Variants in STIM1 observed in about 807,000 individuals in gnomAD.
STIM1 encodes stromal interaction molecule 1.
Under a neutral mutation model 74.7 loss-of-function variants are expected in STIM1, and 25 were observed. The observed-to-expected ratio is 0.33, with a 90% CI of 0.24 to 0.47. STIM1 has a LOEUF of 0.47. Among genes scored for constraint, STIM1 ranks in the 20% least tolerant of loss-of-function variants. The pLI is 1.00. For synonymous variants in STIM1, 328 were observed against 348.8 expected (o/e 0.94, Z 0.66); for missense variants, 728 against 920.8 (o/e 0.79, Z 2.71).
intron 2 of STIM1, among the ~76,000 whole-genome samples, chr11:4,014,705 C>T (rs914507829): frequency 6.6e-6 from 1 of 152,068 alleles, no homozygotes; most frequent in Admixed American, 6.6e-5. Flanking sequence ...GTAGGTCACT[C>T]AGGACTTGCT....
intron 1 of STIM1, among the ~76,000 whole-genome samples, chr11:3,957,542 C>A (rs1397016496): frequency 6.6e-6 from 1 of 151,862 alleles, no homozygotes; most frequent in Non-Finnish European, 1.5e-5. Flanking sequence ...CTAGGGTGAG[C>A]CACTGCGCCT....
chr11:4,046,059 C>CTTTTTTTTTTT (rs35783768), intron 3 of STIM1, among the ~76,000 whole-genome samples: 1 of 59,030 alleles, frequency 1.7e-5, no homozygotes, highest in African/African-American at 6.0e-5. Context: ...CGTGAGCTAC[C>CTTTTTTTTTTT]TTTTTTTTTT....
chr11:3,988,314 G>A (rs542610372), intron 2 of STIM1, among the ~76,000 whole-genome samples: 11 of 152,190 alleles, frequency 7.2e-5, no homozygotes, highest in East Asian at 3.8e-4. Flanking sequence ...TGTTTTTTTC[G>A]TGTAGCCTGC....
intron 1 of STIM1, among the ~76,000 whole-genome samples, chr11:3,878,549 A>C (rs929375783): frequency 1.4e-4 from 21 of 152,158 alleles, no homozygotes; most frequent in African/African-American, 5.1e-4. Flanking sequence ...TACTTGTGGA[A>C]GGTCACTCAT....
In STIM1 at chr11:3,856,177, C is replaced by T; in HGVS notation, c.-94C>T. The T allele has an allele frequency of 1.3e-6, 2 of 1,566,370 alleles. No homozygotes were observed. Among genetic ancestry groups the T allele is most frequent in the East Asian group, 4.5e-5 (2 of 44,516 alleles). On this transcript the variant is annotated 5_prime_UTR_variant, in exon 1 of 13. Transcript: ENST00000526596. ...CTGCGGAGCCGCGAGGGCATCTTGC[C>T]TGGAGACCGTCGGCTGCACTCCCGG...
chr11:4,068,412 C>T (rs2094382343), intron 5 of STIM1, among the ~76,000 whole-genome samples: 1 of 152,086 alleles, frequency 6.6e-6, no homozygotes, highest in Admixed American at 6.5e-5. Context: ...AGTTGAGAAA[C>T]CCTAGGAAAC....
chr11:3,912,739 C>G (rs2092585390), intron 1 of STIM1, among the ~76,000 whole-genome samples: 1 of 152,130 alleles, frequency 6.6e-6, no homozygotes, highest in South Asian at 2.1e-4. Flanking sequence ...ATGCCTTTGC[C>G]AATGTGGGCT....
intron 1 of STIM1, among the ~76,000 whole-genome samples, chr11:3,867,791 C>A (rs12272635): frequency 6.6e-6 from 1 of 152,130 alleles, no homozygotes; most frequent in African/African-American, 2.4e-5. Context: ...ACACAGAGCC[C>A]CTGGCTGCCT....
intron 2 of STIM1, chr11:3,973,480 G>C (rs996786984): frequency 1.6e-5 from 4 of 243,120 alleles, no homozygotes; most frequent in African/African-American, 4.6e-5. Flanking sequence ...GCTCACTGCA[G>C]CTTGGACCTC....
intron 1 of STIM1, among the ~76,000 whole-genome samples, chr11:3,864,323 C>G (rs1398899936): frequency 6.6e-6 from 1 of 152,176 alleles, no homozygotes; most frequent in Non-Finnish European, 1.5e-5. Flanking sequence ...TTTATTATCT[C>G]ATAGATTCTG....
At chr11:3,943,021 C>T (rs1186254599) in intron 1 of STIM1, among the ~76,000 whole-genome samples, 1 of 152,138 alleles carries the variant, frequency 6.6e-6, no homozygotes, top group Non-Finnish European at 1.5e-5. Flanking sequence ...GTTAAAGCAA[C>T]CAGGGTTATA....
chr11:3,981,421 T>A (rs1357722766), intron 2 of STIM1, among the ~76,000 whole-genome samples: 3 of 152,242 alleles, frequency 2.0e-5, no homozygotes, highest in African/African-American at 7.2e-5. Flanking sequence ...CTGTTTCTCA[T>A]AACATTGTGT....
At chr11:4,004,344 G>A (rs955615649) in intron 2 of STIM1, among the ~76,000 whole-genome samples, 17 of 151,826 alleles carry the variant, frequency 1.1e-4, no homozygotes, top group Admixed American at 1.3e-4. Context: ...TATACTACAA[G>A]GCTACAGTAA....
At chr11:4,051,612 G>A (rs1351061175) in intron 3 of STIM1, among the ~76,000 whole-genome samples, 1 of 151,744 alleles carries the variant, frequency 6.6e-6, no homozygotes. Flanking sequence ...CAAAGTGCTG[G>A]GATTACAGTC....
At chr11:3,920,736 C>T (rs2135519823) in intron 1 of STIM1, among the ~76,000 whole-genome samples, 1 of 152,220 alleles carries the variant, frequency 6.6e-6, no homozygotes, top group East Asian at 1.9e-4. Flanking sequence ...AACCCAATAA[C>T]ACCTTCTGGG....
intron 1 of STIM1, among the ~76,000 whole-genome samples, chr11:3,859,904 G>T (rs1055992925): frequency 1.3e-5 from 2 of 152,196 alleles, no homozygotes; most frequent in African/African-American, 4.8e-5. Context: ...ATCACCCTTA[G>T]CTAGGTTAAT....
At position 4,074,538 on chromosome 11, in the gene STIM1, G is replaced by C. The variant is rs759102383; in HGVS notation, c.828G>C (p.Glu276Asp). 1.9e-6 allele frequency: 3 copies of C among 1,614,106 alleles called. No individual in the cohort carries two copies. The highest frequency in any genetic ancestry group is 1.7e-6 in the Non-Finnish European group (2 of 1,180,016). The change falls in exon 7 of 13, where the codon GAG becomes GAC. Residue 276 changes from glutamate to aspartate, a missense_variant. This residue lies in a region of STIM1 where 131 missense variants were observed against 235.9 expected (regional missense o/e 0.56). Transcript: ENST00000526596. ...HKAQEEHRTV[E>D]VEKVHLEKKL... ...CCCAGGAGGAGCACCGCACAGTGGA[G>C]GTGGAGAAGGTCCATCTGGAAAAGA...
In STIM1 at chr11:4,076,964, G is replaced by A. The variant is rs531318032; in HGVS notation, c.969+2285G>A. Among the ~76,000 whole-genome samples the A allele has an allele frequency of 4.0e-5, 6 of 151,806 alleles. No homozygotes were observed. In the East Asian group the frequency reaches 7.7e-4, roughly 20 times the overall value. On this transcript the variant is annotated intron_variant, in intron 7 of 12. Transcript: ENST00000526596. ...TATAAAAAAACAACTAAGCAATTCA[G>A]TTAAAAGGCAAAGATTGTCAGATTG...
At chr11:3,928,369 G>A (rs990085399) in intron 1 of STIM1, among the ~76,000 whole-genome samples, 1 of 151,966 alleles carries the variant, frequency 6.6e-6, no homozygotes, top group Non-Finnish European at 1.5e-5. Flanking sequence ...GGGACTGCAG[G>A]TGTGTGCCAC....
Sources: gnomAD v4.1 joint callset for allele counts (sites outside exome capture counted in the v4.1 genomes callset) on GRCh38, gnomAD v4.1.1 for gene constraint, gnomAD v4.1.1 regional missense constraint, MANE v1.5 for transcripts, NCBI Gene and HGNC (gene_info 2026-07-23, HGNC 2026-07-21) for gene names.